The following DKK3 variants were observed in gnomAD, a reference collection of about 807,000 sequenced individuals.
DKK3 encodes the protein dickkopf-related protein 3.
Under a neutral mutation model 33.2 loss-of-function variants are expected in DKK3, and 22 were observed. That is an observed-to-expected ratio of 0.66 (90% confidence interval 0.47 to 0.95). DKK3 has a LOEUF of 0.95. Among genes scored for constraint, DKK3 ranks in the 40% least tolerant of loss-of-function variants. The probability of loss-of-function intolerance (pLI) is 0.00; values close to 1 mark genes in which losing one functional copy is unlikely to be tolerated. For missense variants in DKK3, 398 were observed against 458.4 expected (o/e 0.87, Z 1.20); for synonymous variants, 194 against 188.8 (o/e 1.03, Z -0.23).
chr11:11,999,580 G>A (rs747834253), intron 2 of DKK3, among the ~76,000 whole-genome samples: 3 of 152,170 alleles, frequency 2.0e-5, no homozygotes, highest in Admixed American at 1.3e-4. Context: ...AGCCGAAATC[G>A]TGCCACTGCA....
intron 1 of DKK3, among the ~76,000 whole-genome samples, chr11:12,003,763 A>T (rs1386451688): frequency 4.6e-5 from 7 of 152,134 alleles, no homozygotes; most frequent in African/African-American, 1.7e-4. Context: ...AAGAATGCTC[A>T]AAAAGTATTT....
intron 3 of DKK3, among the ~76,000 whole-genome samples, chr11:11,975,591 G>A (rs1847816373): frequency 6.6e-6 from 1 of 152,188 alleles, no homozygotes; most frequent in Non-Finnish European, 1.5e-5. Flanking sequence ...GAGGCAGCTT[G>A]GCCCAGGCAC....
chr11:11,981,761 T>C (rs935997596), intron 3 of DKK3, among the ~76,000 whole-genome samples: 1 of 152,174 alleles, frequency 6.6e-6, no homozygotes, highest in African/African-American at 2.4e-5. Flanking sequence ...GCCTCCACTT[T>C]ATAGCCCCAT....
chr11:11,988,821 T>C (rs1848127185), intron 3 of DKK3, among the ~76,000 whole-genome samples: 1 of 152,028 alleles, frequency 6.6e-6, no homozygotes, highest in Non-Finnish European at 1.5e-5. Flanking sequence ...CTAGGGAAAG[T>C]TTTCAGCATG....
chr11:11,999,803 C>G (rs952285418), intron 2 of DKK3, among the ~76,000 whole-genome samples: 1 of 152,228 alleles, frequency 6.6e-6, no homozygotes, highest in Non-Finnish European at 1.5e-5. Flanking sequence ...TCTACATCAT[C>G]TTTAAGGTCT....
At chr11:12,009,015 C>T, upstream of DKK3, 1 of 992,694 alleles carries the variant, frequency 1.0e-6, no homozygotes, top group South Asian at 4.7e-5. Context: ...CCCACTTCCA[C>T]CTCAAGCCTC....
intron 3 of DKK3, among the ~76,000 whole-genome samples, chr11:11,986,026 T>C (rs1255487254): frequency 6.6e-6 from 1 of 152,034 alleles, no homozygotes; most frequent in African/African-American, 2.4e-5. Flanking sequence ...CTACTAGGAA[T>C]CTCCTGCTCG....
At position 11,965,255 on chromosome 11, in the gene DKK3, C is replaced by T. The variant is rs548548779; in HGVS notation, c.830+554G>A. On this transcript the variant is annotated intron_variant, in intron 6 of 6. Transcript: ENST00000683431. ...ACAGGTGTGAGCCACTGCACAGAGC[C>T]GTGGGGAATGGGAGTTCTGCCTGTC... is the stretch of plus-strand genomic sequence containing the variant. Among the ~76,000 whole-genome samples, 88 of 152,332 alleles carry T rather than the reference C, an allele frequency of 5.8e-4. 1 individual carries two copies. The highest frequency in any genetic ancestry group is 6.8e-3 in the Middle Eastern group (2 of 294).
Position 11,964,637 on chromosome 11 carries a change from G to A in DKK3, c.880C>T (p.Gln294Ter), listed in dbSNP as rs1274436466. ...CTGGGCAGCAGGATCTCCCCATCTT[G>A]GTCACGGCTCCCCACGAAGGTCGGC... is the stretch of plus-strand genomic sequence containing the variant. Reference protein sequence around the residue: ...CKPTFVGSRDQDGEILLPREV... With the variant: ...CKPTFVGSRD The change falls in exon 7 of 7, where the codon CAA becomes TAA. Residue 294 changes from glutamine to a stop codon, truncating the protein, a stop_gained. Coordinates refer to ENST00000683431, the MANE Select transcript of DKK3 (RefSeq NM_001018057.2). LOFTEE classifies it low-confidence loss of function (END_TRUNC). 3 of 1,614,140 alleles carry A rather than the reference G, an allele frequency of 1.9e-6. No individual in the cohort carries two copies. The South Asian group carries it at 3.3e-5, about 18-fold the overall frequency.
intron 3 of DKK3, among the ~76,000 whole-genome samples, chr11:11,997,955 T>TA (rs1233315230): frequency 1.3e-5 from 2 of 151,886 alleles, no homozygotes; most frequent in East Asian, 1.9e-4. Flanking sequence ...GCGGTCTTCA[T>TA]AAAAAAGGCA....
At chr11:11,974,800 A>T (rs1184396490) in intron 3 of DKK3, among the ~76,000 whole-genome samples, 1 of 152,118 alleles carries the variant, frequency 6.6e-6, no homozygotes, top group Non-Finnish European at 1.5e-5. Context: ...GCCACTTGGG[A>T]GGCTGAGGTG....
At chr11:11,980,991 C>A (rs76741959) in intron 3 of DKK3, among the ~76,000 whole-genome samples, 3,008 of 152,306 alleles carry the variant, frequency 0.02, 43 homozygotes, top group Non-Finnish European at 0.031. Flanking sequence ...CCACCCAGAG[C>A]ACTCACAGCT....
intron 3 of DKK3, 184 bp downstream of exon 3, chr11:11,998,511 CG>C (rs1476760581): frequency 4.5e-6 from 3 of 661,044 alleles, no homozygotes; most frequent in Non-Finnish European, 8.2e-6. Context: ...TGCATGGAGG[CG>C]TAACCTATTA....
chr11:11,984,803 T>C (rs1848033174), intron 3 of DKK3, among the ~76,000 whole-genome samples: 1 of 152,194 alleles, frequency 6.6e-6, no homozygotes, highest in Non-Finnish European at 1.5e-5. Flanking sequence ...GATTCCCTGC[T>C]GAGCCTCTAA....
At chr11:11,978,686 C>G (rs188622042) in intron 3 of DKK3, among the ~76,000 whole-genome samples, 34 of 152,176 alleles carry the variant, frequency 2.2e-4, no homozygotes, top group Admixed American at 2.2e-3. Flanking sequence ...GGTGCAGCTT[C>G]TGTACTTGGA....
At chr11:11,993,901 C>A (rs1848237245) in intron 3 of DKK3, among the ~76,000 whole-genome samples, 1 of 152,166 alleles carries the variant, frequency 6.6e-6, no homozygotes, top group African/African-American at 2.4e-5. Context: ...AGTACCCAAC[C>A]ATCGCCTAGT....
intron 6 of DKK3, among the ~76,000 whole-genome samples, chr11:11,965,564 C>A (rs1187953853): frequency 6.6e-6 from 1 of 152,202 alleles, no homozygotes; most frequent in Non-Finnish European, 1.5e-5. Context: ...ACCATCCACT[C>A]ATGAAGCTTC....
chr11:11,974,735 A>G (rs963563895), intron 3 of DKK3, among the ~76,000 whole-genome samples: 11 of 152,160 alleles, frequency 7.2e-5, no homozygotes, highest in Non-Finnish European at 1.6e-4. Flanking sequence ...GCTGCCATTC[A>G]CTAAAAGAAT....
At chr11:11,977,099 G>T (rs572251132) in intron 3 of DKK3, among the ~76,000 whole-genome samples, 1 of 152,212 alleles carries the variant, frequency 6.6e-6, no homozygotes. Context: ...GGCCTGGCTC[G>T]CCTGGGGCTG....
Sources: gnomAD v4.1 joint callset for allele counts (sites outside exome capture counted in the v4.1 genomes callset) on GRCh38, gnomAD v4.1.1 for gene constraint, MANE v1.5 for transcripts, NCBI Gene and HGNC (gene_info 2026-07-23, HGNC 2026-07-21) for gene names.